The following EXOC2 variants were observed in gnomAD, a reference collection of about 807,000 sequenced individuals.
EXOC2 encodes the protein exocyst complex component 2, also known as SEC5-like 1.
A neutral mutation model predicts 131.8 loss-of-function variants in EXOC2; 70 were observed. That is an observed-to-expected ratio of 0.53 (90% CI 0.44 to 0.65). EXOC2 has a LOEUF of 0.65. Ranked by LOEUF, EXOC2 falls within the 30% of genes least tolerant of loss-of-function variation. The pLI is 0.00. For synonymous variants in EXOC2, 411 were observed against 398.4 expected (o/e 1.03, Z -0.38); for missense variants, 923 against 1,108.6 (o/e 0.83, Z 2.38).
At chr6:507,293 CTACA>C (rs1346246555) in intron 23 of EXOC2, among the ~76,000 whole-genome samples, 11 of 97,686 alleles carry the variant, frequency 1.1e-4, no homozygotes, top group Non-Finnish European at 2.1e-4. Flanking sequence ...ACAGCAGTGA[CTACA>C]CACACACACA....
chr6:590,477 G>A (rs1759480545), intron 11 of EXOC2, among the ~76,000 whole-genome samples: 1 of 152,094 alleles, frequency 6.6e-6, no homozygotes, highest in African/African-American at 2.4e-5. Flanking sequence ...CCTCTCCATT[G>A]TACTTCCTTC....
chr6:655,183 C>T (rs1763015384), intron 1 of EXOC2, among the ~76,000 whole-genome samples: 1 of 152,202 alleles, frequency 6.6e-6, no homozygotes, highest in Non-Finnish European at 1.5e-5. Flanking sequence ...CCACAGCTAC[C>T]TGAGCCTTCA....
intron 1 of EXOC2, among the ~76,000 whole-genome samples, chr6:677,882 C>T (rs1223530487): frequency 6.6e-6 from 1 of 152,032 alleles, no homozygotes. Context: ...ATAACTATCA[C>T]AGCAGGAATC....
chr6:655,938 C>T (rs955996954), intron 1 of EXOC2: 1 of 561,846 alleles, frequency 1.8e-6, no homozygotes, highest in African/African-American at 1.9e-5. Flanking sequence ...AACTACCCAA[C>T]TGTTTTACCA....
chr6:679,359 A>G (rs1488564434), intron 1 of EXOC2: 2 of 152,196 alleles, frequency 1.3e-5, no homozygotes, highest in Admixed American at 6.5e-5. Context: ...ATAAAGACAA[A>G]ACCCAACCTC....
intron 23 of EXOC2, among the ~76,000 whole-genome samples, chr6:507,216 CCACACACACACACACACACAGCAG>C (rs1764603513): frequency 3.9e-5 from 1 of 25,796 alleles, no homozygotes; most frequent in Admixed American, 6.8e-4. Context: ...ACAGCAGTGA[CCACACACACACACACACACAGCAG>C]TGACCCCCCC....
chr6:534,698 A>G (rs1288946708), intron 22 of EXOC2, among the ~76,000 whole-genome samples: 1 of 152,242 alleles, frequency 6.6e-6, no homozygotes, highest in African/African-American at 2.4e-5. Flanking sequence ...TATTTCACCC[A>G]TGTAATGAGA....
chr6:492,446 T>C (rs1195313222), intron 25 of EXOC2, among the ~76,000 whole-genome samples: 1 of 152,110 alleles, frequency 6.6e-6, no homozygotes, highest in African/African-American at 2.4e-5. Flanking sequence ...ACACAAGAAC[T>C]TGTATAGGAG....
At position 491,201 on chromosome 6, in the gene EXOC2, A is replaced by C; in HGVS notation, c.2560-15T>G. The C allele has an allele frequency of 6.2e-7, 1 of 1,614,074 alleles. No homozygotes were observed. Among genetic ancestry groups the C allele is most frequent in the Non-Finnish European group, 8.5e-7 (1 of 1,179,928 alleles). On this transcript the variant is annotated splice_polypyrimidine_tract_variant and intron_variant, in intron 25 of 27. Transcript: ENST00000230449. ...TCAAGTCTCGCCTGAAAATGAGAAAAAGACAAAGTGACAACAGGAAAATTT... is the reference window on the plus strand; with the variant it reads ...TCAAGTCTCGCCTGAAAATGAGAAACAGACAAAGTGACAACAGGAAAATTT...
chr6:512,850 C>T (rs1764928709), intron 23 of EXOC2, among the ~76,000 whole-genome samples: 1 of 152,106 alleles, frequency 6.6e-6, no homozygotes, highest in South Asian at 2.1e-4. Flanking sequence ...AACCCCAACA[C>T]GGTTGGTGTG....
At chr6:664,843 A>C (rs1763568874) in intron 1 of EXOC2, among the ~76,000 whole-genome samples, 1 of 152,104 alleles carries the variant, frequency 6.6e-6, no homozygotes, top group African/African-American at 2.4e-5. Flanking sequence ...ATTCTAGAAG[A>C]TAATGTTGGA....
intron 25 of EXOC2, among the ~76,000 whole-genome samples, chr6:494,290 GA>G (rs1763596255): frequency 6.6e-6 from 1 of 152,190 alleles, no homozygotes. Flanking sequence ...TGGAGGCTCT[GA>G]AAGAACTTTA....
chr6:496,081 G>T (rs2127475405), intron 25 of EXOC2, among the ~76,000 whole-genome samples: 1 of 151,832 alleles, frequency 6.6e-6, no homozygotes, highest in African/African-American at 2.4e-5. Context: ...TCTCCGCCGA[G>T]ATTTCCCACC....
At chr6:652,959 G>C (rs552785426) in intron 1 of EXOC2, among the ~76,000 whole-genome samples, 1 of 152,102 alleles carries the variant, frequency 6.6e-6, no homozygotes, top group Non-Finnish European at 1.5e-5. Flanking sequence ...GGTAATTCTT[G>C]CATTATCTCA....
chr6:607,958 A>C (rs1760509876), intron 7 of EXOC2, among the ~76,000 whole-genome samples: 4 of 152,240 alleles, frequency 2.6e-5, no homozygotes, highest in African/African-American at 9.6e-5. Context: ...CTTAGCTTAA[A>C]AGTCAGAAAG....
intron 25 of EXOC2, among the ~76,000 whole-genome samples, chr6:494,476 C>A (rs1421043514): frequency 6.6e-6 from 1 of 150,776 alleles, no homozygotes; most frequent in African/African-American, 2.4e-5. Flanking sequence ...GTACATACTA[C>A]ACAACAGACA....
At chr6:561,493 A>G (rs1233821299) in intron 17 of EXOC2, among the ~76,000 whole-genome samples, 1 of 152,134 alleles carries the variant, frequency 6.6e-6, no homozygotes, top group African/African-American at 2.4e-5. Context: ...TGATAGCCTG[A>G]CTCATCACTG....
At chr6:640,411 GACAA>G (rs770656416) in intron 1 of EXOC2, among the ~76,000 whole-genome samples, 7 of 152,142 alleles carry the variant, frequency 4.6e-5, no homozygotes, top group African/African-American at 7.2e-5. Context: ...ATGGAAGAAA[GACAA>G]ACAAGAAAAA....
chr6:597,080 T>G (rs1759858950), intron 10 of EXOC2, among the ~76,000 whole-genome samples: 1 of 152,228 alleles, frequency 6.6e-6, no homozygotes, highest in South Asian at 2.1e-4. Context: ...CTCAAGTCGG[T>G]TGCCCAAAGT....
Sources: allele counts gnomAD v4.1 joint callset (sites outside exome capture counted in the v4.1 genomes callset), GRCh38; gene constraint gnomAD v4.1.1; transcripts MANE v1.5; gene names NCBI Gene and HGNC (gene_info 2026-07-23, HGNC 2026-07-21).